The following KLHL32 variants were observed in gnomAD, a reference collection of about 807,000 sequenced individuals.
The protein encoded by KLHL32 is kelch-like protein 32.
A neutral mutation model predicts 64.8 loss-of-function variants in KLHL32; 35 were observed. That is an observed-to-expected ratio of 0.54 (90% CI 0.41 to 0.72). The LOEUF is 0.72. Among genes scored for constraint, KLHL32 ranks in the 30% least tolerant of loss-of-function variants. KLHL32 has a pLI of 0.00. For missense variants in KLHL32, 589 were observed against 768.5 expected, an observed-to-expected ratio of 0.77 and a Z score of 2.76; for synonymous variants, 259 against 281.0, an observed-to-expected ratio of 0.92 and a Z score of 0.78.
In KLHL32 at chr6:97,127,698, T is replaced by C. The variant is rs149807910; in HGVS notation, c.1413+236T>C. Among the ~76,000 whole-genome samples, 5 of 152,360 alleles carry C rather than the reference T, an allele frequency of 3.3e-5. No individual in the cohort carries two copies. In the South Asian group the frequency reaches 8.3e-4, roughly 25 times the overall value. ...AGAATACATCACCCTTTCAGAGTTCTGCATAATATAGAAATGATTTGAATT... is the reference window on the plus strand; with the variant it reads ...AGAATACATCACCCTTTCAGAGTTCCGCATAATATAGAAATGATTTGAATT... On this transcript the variant is annotated intron_variant, in intron 8 of 10. Transcript: ENST00000369261.
intron 3 of KLHL32, among the ~76,000 whole-genome samples, chr6:97,002,350 A>T (rs1779138680): frequency 6.6e-6 from 1 of 152,214 alleles, no homozygotes; most frequent in African/African-American, 2.4e-5. Flanking sequence ...TCCCTAGTTG[A>T]CTAATAATTT....
At chr6:97,071,641 T>G (rs746623732) in intron 5 of KLHL32, among the ~76,000 whole-genome samples, 1 of 152,154 alleles carries the variant, frequency 6.6e-6, no homozygotes, top group Non-Finnish European at 1.5e-5. Flanking sequence ...TCATCCTCCC[T>G]GTCTTTGTTA....
intron 3 of KLHL32, among the ~76,000 whole-genome samples, chr6:97,028,728 C>A (rs9320388): frequency 0.18 from 27,287 of 151,958 alleles, 4,957 homozygotes; most frequent in African/African-American, 0.45. Context: ...CTGCCATATG[C>A]GAGAGATCAA....
At chr6:97,003,024 T>C (rs939173770) in intron 3 of KLHL32, among the ~76,000 whole-genome samples, 11 of 152,192 alleles carry the variant, frequency 7.2e-5, no homozygotes, top group African/African-American at 2.4e-4. Flanking sequence ...TACCCAATAA[T>C]GTGATTGCGG....
rs58283447 is a variant in KLHL32 at position 97,117,471 on chromosome 6, C to T, written c.1354+2962C>T. 6.3e-3 allele frequency among the ~76,000 whole-genome samples: 953 copies of T among 152,240 alleles called. 8 individuals carry two copies. Among genetic ancestry groups the T allele is most frequent in the African/African-American group, 0.021 (880 of 41,534 alleles). On this transcript the variant is annotated intron_variant, in intron 7 of 10. Transcript: ENST00000369261. ...CTCACTCCCTCTCCACACCTCTCCC[C>T]CATTTTGGTCCATTTTGGGGTCAGG...
intron 1 of KLHL32, among the ~76,000 whole-genome samples, chr6:96,949,595 C>G (rs948315182): frequency 6.6e-6 from 1 of 152,008 alleles, no homozygotes; most frequent in Admixed American, 6.6e-5. Context: ...GTGGTGAGTC[C>G]ATTTGACTGA....
intron 3 of KLHL32, among the ~76,000 whole-genome samples, chr6:97,040,048 C>A: frequency 6.6e-6 from 1 of 151,310 alleles, no homozygotes; most frequent in Admixed American, 6.6e-5. Context: ...AATAAAATTG[C>A]TAAAAGATGA....
In KLHL32 at chr6:96,949,857, A is replaced by G. The variant is rs541006203; in HGVS notation, c.-65-17139A>G. Among the ~76,000 whole-genome samples, 145 of 152,238 alleles carry G rather than the reference A, an allele frequency of 9.5e-4. 1 individual carries two copies. The highest frequency in any genetic ancestry group is 1.8e-3 in the Non-Finnish European group (123 of 67,986). ...GTAGGTAAATGGTTTGCCACTAATA[A>G]CTGGAATTAAATTTACTGACTTAAA... is the stretch of plus-strand genomic sequence containing the variant. On this transcript the variant is annotated intron_variant, in intron 1 of 10. Transcript: ENST00000369261.
intron 3 of KLHL32, among the ~76,000 whole-genome samples, chr6:97,028,935 A>G (rs1783124887): frequency 6.6e-6 from 1 of 152,226 alleles, no homozygotes; most frequent in African/African-American, 2.4e-5. Flanking sequence ...TAACAGAACT[A>G]CCAGAGGAAT....
At chr6:96,943,812 A>G (rs760592527) in intron 1 of KLHL32, among the ~76,000 whole-genome samples, 6 of 152,236 alleles carry the variant, frequency 3.9e-5, no homozygotes, top group Admixed American at 1.3e-4. Flanking sequence ...GGGAAAAGTC[A>G]TATCTGGCAG....
chr6:97,044,159 CA>C (rs1022595564), intron 4 of KLHL32, among the ~76,000 whole-genome samples: 4 of 151,970 alleles, frequency 2.6e-5, no homozygotes, highest in African/African-American at 9.7e-5. Context: ...TATTGATATA[CA>C]TTCTTTCTAT....
At chr6:97,086,633 G>A (rs560480025) in intron 6 of KLHL32, among the ~76,000 whole-genome samples, 348 of 152,248 alleles carry the variant, frequency 2.3e-3, no homozygotes, top group Non-Finnish European at 4.0e-3. Context: ...ACACTGTCTT[G>A]ATAAAGAAAA....
chr6:96,971,911 G>A (rs903864934), intron 2 of KLHL32, among the ~76,000 whole-genome samples: 1 of 152,158 alleles, frequency 6.6e-6, no homozygotes, highest in Admixed American at 6.5e-5. Context: ...GGAGTGCAGT[G>A]GCGTGATCTC....
intron 3 of KLHL32, among the ~76,000 whole-genome samples, chr6:97,005,183 CAAT>C (rs1779522790): frequency 6.6e-6 from 1 of 152,114 alleles, no homozygotes; most frequent in South Asian, 2.1e-4. Context: ...TTCAGGATTT[CAAT>C]TTCTTCCTGG....
intron 4 of KLHL32, among the ~76,000 whole-genome samples, chr6:97,051,212 T>C (rs1443925083): frequency 6.6e-6 from 1 of 152,158 alleles, no homozygotes; most frequent in Non-Finnish European, 1.5e-5. Flanking sequence ...GTGTGGCCCC[T>C]TCTGTGTTTT....
chr6:96,977,143 C>T (rs1311161578), intron 3 of KLHL32, among the ~76,000 whole-genome samples: 2 of 152,208 alleles, frequency 1.3e-5, no homozygotes, highest in African/African-American at 4.8e-5. Flanking sequence ...TTGTGATTCA[C>T]ATGGTGAGCA....
At chr6:97,040,856 G>A (rs1043012170) in intron 3 of KLHL32, among the ~76,000 whole-genome samples, 23 of 152,148 alleles carry the variant, frequency 1.5e-4, no homozygotes, top group African/African-American at 5.3e-4. Context: ...CCCTTCCCTC[G>A]GCACTTCTCC....
upstream of KLHL32, among the ~76,000 whole-genome samples, chr6:96,921,474 T>C (rs1042878222): frequency 6.6e-6 from 1 of 152,254 alleles, no homozygotes; most frequent in African/African-American, 2.4e-5. Context: ...AGTTGTTTTG[T>C]GTTATCCACT....
intron 3 of KLHL32, among the ~76,000 whole-genome samples, chr6:96,999,256 C>A (rs919401483): frequency 6.6e-6 from 1 of 151,984 alleles, no homozygotes; most frequent in Admixed American, 6.6e-5. Context: ...ATTAGCTGGG[C>A]ATGGTCACAC....
Sources: allele counts gnomAD v4.1 joint callset (sites outside exome capture counted in the v4.1 genomes callset), GRCh38; gene constraint gnomAD v4.1.1; transcripts MANE v1.5; gene names NCBI Gene and HGNC (gene_info 2026-07-23, HGNC 2026-07-21).